The following MYRFL variants were observed in gnomAD, a reference collection of about 807,000 sequenced individuals.
MYRFL encodes myelin regulatory factor-like protein.
A neutral mutation model predicts 109.4 loss-of-function variants in MYRFL; 88 were observed. That is an observed-to-expected ratio of 0.80 (90% CI 0.68 to 0.96). The LOEUF is 0.96. Among genes scored for constraint, MYRFL ranks in the 40% least tolerant of loss-of-function variants. The pLI, the probability that MYRFL is intolerant of heterozygous loss-of-function variation, is 0.00. For synonymous variants in MYRFL, 324 were observed against 320.9 expected (o/e 1.01, Z -0.10); for missense variants, 957 against 954.9 (o/e 1.00, Z -0.03).
Position 69,926,697 on chromosome 12 carries a change from A to C in MYRFL, c.1729A>C (p.Ser577Arg). Residue 577 changes from serine (S) to arginine (R), a missense_variant, in exon 14 of 25, where the codon AGT becomes CGT. Physicochemically the swap from Ser to Arg is moderately radical, Grantham distance 110. Coordinates refer to ENST00000552032, the MANE Select transcript of MYRFL (RefSeq NM_182530.3). ...GCTGGCCCGGCTAAAGCGGCTCAGT[A>C]GTTGGAAGTCATCAGCCAGTGAAGC... is the stretch of plus-strand genomic sequence containing the variant. The part of the protein sequence containing the change: ...RKLARLKRLS[S>R]WKSSASEAST... The C allele has an allele frequency of 6.6e-7, 1 of 1,513,398 alleles. No individual in the cohort carries two copies. Among genetic ancestry groups the C allele is most frequent in the East Asian group, 2.5e-5 (1 of 40,508 alleles). 93.7% of individuals were successfully genotyped at this position (1,513,398 alleles called of 1,614,324 possible).
intron 19 of MYRFL, among the ~76,000 whole-genome samples, chr12:69,950,965 G>A (rs1409951491): frequency 3.9e-5 from 6 of 152,134 alleles, no homozygotes. Flanking sequence ...ATTATGGCAG[G>A]GGTTACAGAG....
At chr12:69,915,035 T>TCAA (rs1954690085) in intron 13 of MYRFL, among the ~76,000 whole-genome samples, 1 of 152,228 alleles carries the variant, frequency 6.6e-6, no homozygotes, top group South Asian at 2.1e-4. Flanking sequence ...AGTTTAACCC[T>TCAA]CAACACGGTG....
At chr12:69,887,017 T>C (rs1612447) in intron 6 of MYRFL, 47 bp downstream of exon 6, 1,522,965 of 1,527,198 alleles carry the variant, frequency 1, 759,469 homozygotes, top group East Asian at 1. Context: ...AAGACAGTGC[T>C]AAATCTCAGT....
intron 16 of MYRFL, 120 bp from the exon 17 acceptor site, chr12:69,935,992 CT>C (rs1383370987): frequency 2.5e-6 from 3 of 1,213,740 alleles, no homozygotes; most frequent in South Asian, 3.2e-5. Flanking sequence ...CCCCTCCCCC[CT>C]GCTCCCATCT....
chr12:69,844,589 CG>C (rs747646448), intron 1 of MYRFL, among the ~76,000 whole-genome samples: 1 of 152,102 alleles, frequency 6.6e-6, no homozygotes, highest in African/African-American at 2.4e-5. Flanking sequence ...CGGCGGGGCA[CG>C]GGGCGGTCGT....
chr12:69,841,076 T>A (rs1385845565), intron 1 of MYRFL, among the ~76,000 whole-genome samples: 1 of 152,188 alleles, frequency 6.6e-6, no homozygotes, highest in East Asian at 1.9e-4. Context: ...TCTTCTTGGG[T>A]CAGTGTAAAA....
intron 1 of MYRFL, among the ~76,000 whole-genome samples, chr12:69,832,947 TGTGTG>T (rs1375093472): frequency 7.6e-3 from 2 of 262 alleles, no homozygotes; most frequent in African/African-American, 0.014. Flanking sequence ...AACAGGCTTG[TGTGTG>T]TGTGTGTGTG....
chr12:69,860,438 C>T (rs1314618606), intron 2 of MYRFL, among the ~76,000 whole-genome samples: 2 of 151,990 alleles, frequency 1.3e-5, no homozygotes, highest in Admixed American at 1.3e-4. Context: ...ATATCTTTTG[C>T]CATCCTTTAA....
At chr12:69,846,647 G>A (rs1473924591) in intron 1 of MYRFL, among the ~76,000 whole-genome samples, 3 of 152,166 alleles carry the variant, frequency 2.0e-5, no homozygotes, top group South Asian at 2.1e-4. Flanking sequence ...GAATAGTGCC[G>A]CAATAAACAT....
chr12:69,903,684 T>G lies in MYRFL; in HGVS notation c.1223T>G (p.Leu408Trp). 6.5e-7 allele frequency: 1 copy of G among 1,535,852 alleles called. No individual in the cohort carries two copies. The highest frequency in any genetic ancestry group is 1.2e-5 in the South Asian group (1 of 84,044). Residue 408 changes from leucine (L) to tryptophan (W), a missense_variant, in exon 11 of 25, where the codon TTG becomes TGG. By Grantham distance (61) the Leu-to-Trp change is moderately conservative. Coordinates refer to ENST00000552032, the MANE Select transcript of MYRFL (RefSeq NM_182530.3). ...PGQFENDSDA[L>W]WQRGQVPESI... is the part of the protein sequence containing the mutation. Reference sequence around the variant, plus strand: ...CAGTTTGAAAATGACAGTGATGCATTGTGGCAGCGAGGACAAGTTCCAGAA... The same window carrying G: ...CAGTTTGAAAATGACAGTGATGCATGGTGGCAGCGAGGACAAGTTCCAGAA...
chr12:69,911,260 A>G (rs1168701761), intron 13 of MYRFL, among the ~76,000 whole-genome samples: 1 of 152,230 alleles, frequency 6.6e-6, no homozygotes, highest in Non-Finnish European at 1.5e-5. Flanking sequence ...AATACTGACA[A>G]AAAAGTTTTA....
intron 1 of MYRFL, among the ~76,000 whole-genome samples, chr12:69,854,592 A>G (rs1240217): frequency 0.78 from 118,970 of 151,950 alleles, 47,270 homozygotes; most frequent in Non-Finnish European, 0.86. Context: ...CACTATGTTG[A>G]TCAGGCTGGT....
intron 2 of MYRFL, among the ~76,000 whole-genome samples, chr12:69,865,498 A>ACTTCC (rs1884966694): frequency 6.6e-6 from 1 of 152,054 alleles, no homozygotes; most frequent in Admixed American, 6.6e-5. Context: ...GTATCTATGA[A>ACTTCC]CCATCTTGGG....
Position 69,935,991 on chromosome 12 carries a change from C to T in MYRFL, c.1917-122C>T, listed in dbSNP as rs573073705. 1.2e-5 allele frequency: 14 copies of T among 1,203,170 alleles called. No individual in the cohort carries two copies. In the African/African-American group the frequency reaches 1.2e-4, roughly 11 times the overall value. The allele number at this position is 1,203,170 out of a possible 1,614,324, so 74.5% of individuals were successfully genotyped here. On this transcript the variant is annotated intron_variant, in intron 16 of 24. Transcript: ENST00000552032. ...TGTCAGCCGTGGCCATCCCCTCCCC[C>T]CTGCTCCCATCTGTGTGGCCTGTGA...
chr12:69,951,496 C>T (rs547736803), intron 19 of MYRFL, among the ~76,000 whole-genome samples: 7 of 145,432 alleles, frequency 4.8e-5, no homozygotes, highest in East Asian at 4.3e-4. Flanking sequence ...GGCGCAATCT[C>T]GGCTCACCAC....
chr12:69,935,135 C>A lies in MYRFL; in HGVS notation c.1917-978C>A, dbSNP rs1955405395. On this transcript the variant is annotated intron_variant, in intron 16 of 24. Coordinates refer to ENST00000552032, the MANE Select transcript of MYRFL (RefSeq NM_182530.3). ...AGGGCTGTGCCTGCTGGGCAGCAAC[C>A]AGCTGCTGCTGAGAACACTTTGGGA... is the stretch of plus-strand genomic sequence containing the variant. Among the ~76,000 whole-genome samples the A allele has an allele frequency of 1.3e-5, 2 of 152,196 alleles. 1 individual carries two copies. The highest frequency in any genetic ancestry group is 2.9e-5 in the Non-Finnish European group (2 of 68,044).
rs528358519 is a variant in MYRFL at position 69,903,454 on chromosome 12, G to C, written c.1183-190G>C. ...GCTCCTGCTAGCGGGGAGGCAGAGTGGTTAGGGAAGCCTCCCTGGCTCTCC... is the reference window on the plus strand; with the variant it reads ...GCTCCTGCTAGCGGGGAGGCAGAGTCGTTAGGGAAGCCTCCCTGGCTCTCC... On this transcript the variant is annotated intron_variant, in intron 10 of 24. Coordinates refer to ENST00000552032, the MANE Select transcript of MYRFL (RefSeq NM_182530.3). 8.5e-5 allele frequency among the ~76,000 whole-genome samples: 13 copies of C among 152,258 alleles called. No homozygotes were observed. In the East Asian group the frequency reaches 2.3e-3, roughly 27 times the overall value.
At chr12:69,851,262 A>G (rs942993080) in intron 1 of MYRFL, among the ~76,000 whole-genome samples, 12 of 151,784 alleles carry the variant, frequency 7.9e-5, no homozygotes, top group African/African-American at 2.9e-4. Context: ...TACCTGGATG[A>G]TGGGATCTAT....
Position 69,882,576 on chromosome 12 carries a change from T to C in MYRFL, c.556+2284T>C, listed in dbSNP as rs116271854. 1.0e-3 allele frequency among the ~76,000 whole-genome samples: 152 copies of C among 152,248 alleles called. 1 individual carries two copies. Among genetic ancestry groups the C allele is most frequent in the African/African-American group, 3.6e-3 (148 of 41,554 alleles). On this transcript the variant is annotated intron_variant, in intron 5 of 24. Transcript: ENST00000552032. Reference sequence around the variant, plus strand: ...CAATAAAACTTTTCTAGTGACCTCCTCCCAAGTAGTACACTTTGGCCAAGG... The same window carrying C: ...CAATAAAACTTTTCTAGTGACCTCCCCCCAAGTAGTACACTTTGGCCAAGG...
Sources: gnomAD v4.1 joint callset for allele counts (sites outside exome capture counted in the v4.1 genomes callset) on GRCh38, gnomAD v4.1.1 for gene constraint, MANE v1.5 for transcripts, NCBI Gene and HGNC (gene_info 2026-07-23, HGNC 2026-07-21) for gene names.